The following MYO18B variants were observed in gnomAD, a reference collection of about 807,000 sequenced individuals.
The protein encoded by MYO18B is myosin XVIIIB.
MYO18B carries 204 observed loss-of-function variants against 273.0 expected under a neutral mutation model. The observed-to-expected ratio is 0.75, with a 90% CI of 0.67 to 0.84. The LOEUF (loss-of-function observed/expected upper bound fraction) is 0.84. Ranked by LOEUF, MYO18B falls within the 40% of genes least tolerant of loss-of-function variation. MYO18B has a pLI of 0.00. For synonymous variants in MYO18B, 1,330 were observed against 1,305.7 expected (o/e 1.02, Z -0.40); for missense variants, 3,212 against 3,287.6 (o/e 0.98, Z 0.56).
intron 29 of MYO18B, chr22:25,901,284 G>A (rs575511723): frequency 6.6e-6 from 1 of 152,244 alleles, no homozygotes; most frequent in Non-Finnish European, 1.5e-5. Flanking sequence ...GCCCACTTCT[G>A]CCATATCAAG....
At chr22:25,971,535 A>G (rs2093035696) in intron 39 of MYO18B, among the ~76,000 whole-genome samples, 3 of 152,208 alleles carry the variant, frequency 2.0e-5, no homozygotes, top group Admixed American at 6.5e-5. Context: ...AGCTATGGTT[A>G]CAGTTCAGTG....
At chr22:25,856,655 C>T (rs534999466) in intron 21 of MYO18B, among the ~76,000 whole-genome samples, 1 of 152,270 alleles carries the variant, frequency 6.6e-6, no homozygotes, top group Admixed American at 6.5e-5. Flanking sequence ...GGTTACAGGA[C>T]ATTCTCATGT....
chr22:25,917,545 G>GGGGGT (rs1555944183), intron 33 of MYO18B, among the ~76,000 whole-genome samples: 1 of 142,152 alleles, frequency 7.0e-6, no homozygotes, highest in Non-Finnish European at 1.5e-5. Context: ...GCTTTGTAGG[G>GGGGGT]GTGTGTGTGT....
At chr22:25,820,341 A>AGT (rs2089228972) in intron 12 of MYO18B, among the ~76,000 whole-genome samples, 1 of 152,018 alleles carries the variant, frequency 6.6e-6, no homozygotes, top group Non-Finnish European at 1.5e-5. Flanking sequence ...GTAGGGTCAA[A>AGT]GTCCTAGATA....
intron 3 of MYO18B, among the ~76,000 whole-genome samples, chr22:25,764,207 G>A (rs190831469): frequency 7.2e-5 from 11 of 152,338 alleles, no homozygotes; most frequent in Admixed American, 4.6e-4. Flanking sequence ...TGAAGCAATA[G>A]TTGAATGCAA....
At chr22:25,789,786 C>T (rs908333731) in intron 11 of MYO18B, among the ~76,000 whole-genome samples, 2 of 152,218 alleles carry the variant, frequency 1.3e-5, no homozygotes, top group African/African-American at 4.8e-5. Flanking sequence ...ACCCACTGGT[C>T]CTATACCTGC....
intron 40 of MYO18B, among the ~76,000 whole-genome samples, chr22:25,999,616 T>C: frequency 1.5e-5 from 2 of 132,920 alleles, no homozygotes; most frequent in African/African-American, 2.8e-5. Context: ...CTTCTCCTTC[T>C]CTTCCTCCTC....
intron 31 of MYO18B, among the ~76,000 whole-genome samples, chr22:25,906,697 TCA>T (rs1351030157): frequency 2.0e-5 from 3 of 152,114 alleles, no homozygotes; most frequent in Non-Finnish European, 2.9e-5. Context: ...TTTAATTGAC[TCA>T]CAGTTCCACA....
At chr22:25,986,394 A>G (rs1162591435) in intron 39 of MYO18B, among the ~76,000 whole-genome samples, 5 of 152,228 alleles carry the variant, frequency 3.3e-5, no homozygotes. Context: ...AAGGAATGTA[A>G]AAATTGCCTG....
At chr22:25,859,851 T>A (rs2090679692) in intron 21 of MYO18B, among the ~76,000 whole-genome samples, 1 of 152,220 alleles carries the variant, frequency 6.6e-6, no homozygotes, top group Non-Finnish European at 1.5e-5. Context: ...TTTTATGAAG[T>A]TCAGTTTACT....
intron 10 of MYO18B, among the ~76,000 whole-genome samples, chr22:25,784,876 G>A (rs1274205200): frequency 1.3e-5 from 2 of 152,234 alleles, no homozygotes; most frequent in East Asian, 3.8e-4. Context: ...GACTGAGGCC[G>A]GGAGAGGTGC....
intron 40 of MYO18B, among the ~76,000 whole-genome samples, chr22:25,997,435 G>A (rs1933410826): frequency 6.6e-6 from 1 of 152,096 alleles, no homozygotes; most frequent in Admixed American, 6.5e-5. Flanking sequence ...TCTGGGCATG[G>A]GTCGCAAGCC....
At chr22:25,906,263 A>G (rs375187646) in intron 31 of MYO18B, among the ~76,000 whole-genome samples, 11 of 151,798 alleles carry the variant, frequency 7.2e-5, no homozygotes, top group African/African-American at 2.7e-4. Flanking sequence ...GATGTCAAGA[A>G]TGTCCAAGAG....
chr22:26,056,859 G>A, the MYO18B span, among the ~76,000 whole-genome samples: 6 of 152,166 alleles, frequency 3.9e-5, no homozygotes, highest in Admixed American at 3.9e-4. Flanking sequence ...CAGTGGGCCC[G>A]AGCGCTCACT....
At chr22:25,976,872 T>G (rs147585345) in intron 39 of MYO18B, among the ~76,000 whole-genome samples, 2 of 152,224 alleles carry the variant, frequency 1.3e-5, no homozygotes, top group African/African-American at 4.8e-5. Flanking sequence ...AAAATGCTGA[T>G]TGAGGTTTCA....
At chr22:25,840,486 G>A (rs1223615680) in intron 17 of MYO18B, among the ~76,000 whole-genome samples, 1 of 152,232 alleles carries the variant, frequency 6.6e-6, no homozygotes, top group East Asian at 1.9e-4. Flanking sequence ...ACCAGGGCAT[G>A]TCCCACACTT....
intron 16 of MYO18B, among the ~76,000 whole-genome samples, chr22:25,834,578 T>C (rs937189212): frequency 2.0e-5 from 3 of 152,196 alleles, no homozygotes; most frequent in Non-Finnish European, 4.4e-5. Flanking sequence ...GTAGGACAGT[T>C]GGTTACTGTG....
chr22:26,003,733 G>A (rs575596595), intron 41 of MYO18B, among the ~76,000 whole-genome samples: 1 of 152,184 alleles, frequency 6.6e-6, no homozygotes, highest in South Asian at 2.1e-4. Flanking sequence ...TCCCTGCGTG[G>A]CCAAACCCTA....
rs756987048 is a variant in MYO18B, at chr22:25,839,611, C to T, written c.3209-4124C>T. On this transcript the variant is annotated intron_variant, in intron 17 of 43. Coordinates refer to ENST00000335473, the MANE Select transcript of MYO18B (RefSeq NM_032608.7). Reference sequence around the variant, plus strand: ...TGGCTTCCCAGGGCCCTATAGGCGCCGAGCACAGGGCTAGCGCTGAACCTG... The same window carrying T: ...TGGCTTCCCAGGGCCCTATAGGCGCTGAGCACAGGGCTAGCGCTGAACCTG... Among the ~76,000 whole-genome samples the T allele has an allele frequency of 1.1e-4, 17 of 152,282 alleles. No individual in the cohort carries two copies. In the Middle Eastern group the frequency reaches 0.01, roughly 91 times the overall value.
Sources: gnomAD v4.1 joint callset for allele counts (sites outside exome capture counted in the v4.1 genomes callset) on GRCh38, gnomAD v4.1.1 for gene constraint, MANE v1.5 for transcripts, NCBI Gene and HGNC (gene_info 2026-07-23, HGNC 2026-07-21) for gene names.